The following GAB3 variants were observed in gnomAD, a reference collection of about 807,000 sequenced individuals.
The protein encoded by GAB3 is GRB2 associated binding protein 3.
Under a neutral mutation model 40.4 loss-of-function variants are expected in GAB3, and 12 were observed. The ratio of observed to expected loss-of-function variants is 0.30; its 90% CI spans 0.19 to 0.48. The LOEUF (loss-of-function observed/expected upper bound fraction) is 0.48, where lower values mean the gene tolerates loss of function less well. Among genes scored for constraint, GAB3 ranks in the 20% least tolerant of loss-of-function variants. The pLI is 0.99. For missense variants in GAB3, 381 were observed against 461.9 expected (o/e 0.82, Z 1.61); for synonymous variants, 154 against 176.7 (o/e 0.87, Z 1.02).
At chrX:154,691,540 GAA>G (rs1162505252) in intron 8 of GAB3, among the ~76,000 whole-genome samples, 2 of 111,987 alleles carry the variant, frequency 1.8e-5, no homozygotes, top group Non-Finnish European at 3.8e-5. Context: ...ATAAGTAAAT[GAA>G]AAGATATCTG....
At chrX:154,711,781 G>C (rs2070952248) in intron 4 of GAB3, among the ~76,000 whole-genome samples, 1 of 112,071 alleles carries the variant, frequency 8.9e-6, no homozygotes, top group Non-Finnish European at 1.9e-5. Context: ...GTACCAAGTG[G>C]GTCCCTGAGT....
At chrX:154,714,081 C>A (rs979697339) in intron 2 of GAB3, among the ~76,000 whole-genome samples, 13 of 109,842 alleles carry the variant, frequency 1.2e-4, no homozygotes, top group African/African-American at 4.0e-4. Context: ...AAGTCCATTT[C>A]TTTTTCTCAA....
At chrX:154,695,247 T>C in intron 8 of GAB3, among the ~76,000 whole-genome samples, 1 of 111,525 alleles carries the variant, frequency 9.0e-6, no homozygotes, top group Non-Finnish European at 1.9e-5. Flanking sequence ...TGCTAAAAGT[T>C]CCTCTCCATC....
At chrX:154,711,509 T>C (rs2148453351) in intron 4 of GAB3, among the ~76,000 whole-genome samples, 1 of 111,224 alleles carries the variant, frequency 9.0e-6, no homozygotes, top group Admixed American at 9.5e-5. Context: ...TGGAGGAAGA[T>C]GGAACTGCAA....
At chrX:154,723,919 C>T (rs2049756639) in intron 1 of GAB3, among the ~76,000 whole-genome samples, 1 of 111,916 alleles carries the variant, frequency 8.9e-6, no homozygotes, top group Admixed American at 9.4e-5. Flanking sequence ...TTGAGTAACT[C>T]AACTTCTGCA....
Position 154,701,267 on chromosome X carries a change from T to A in GAB3, c.1070-1208A>T, listed in dbSNP as rs782653119. Among the ~76,000 whole-genome samples, 14 of 112,512 alleles carry A rather than the reference T, an allele frequency of 1.2e-4. No homozygotes were observed. The South Asian group carries it at 4.7e-3, about 38-fold the overall frequency. On this transcript the variant is annotated intron_variant, in intron 4 of 9. Coordinates refer to ENST00000424127, the MANE Select transcript of GAB3 (RefSeq NM_001081573.3). Reference sequence around the variant, plus strand: ...ACTTAATAATTCTTAGAAACTATTATGGAATAATTTCTCATTGTGGGACTT... The same window carrying A: ...ACTTAATAATTCTTAGAAACTATTAAGGAATAATTTCTCATTGTGGGACTT...
intron 1 of GAB3, among the ~76,000 whole-genome samples, chrX:154,750,167 G>A: frequency 8.9e-6 from 1 of 112,696 alleles, no homozygotes; most frequent in Non-Finnish European, 1.9e-5. Flanking sequence ...GGACTGAAGT[G>A]GTTCTTCCTA....
At chrX:154,723,198 CA>C (rs1454873083) in intron 1 of GAB3, among the ~76,000 whole-genome samples, 1 of 111,326 alleles carries the variant, frequency 9.0e-6, no homozygotes, top group Non-Finnish European at 1.9e-5. Context: ...TCTTTTATGA[CA>C]AAAAAAATCT....
chrX:154,698,851 C>T (rs184617622), intron 6 of GAB3, among the ~76,000 whole-genome samples: 114 of 112,054 alleles, frequency 1.0e-3, no homozygotes, highest in African/African-American at 3.6e-3. Flanking sequence ...TGATAAACTG[C>T]ATGTGACTGG....
At chrX:154,734,965 TAAAC>T (rs1337882244) in intron 1 of GAB3, among the ~76,000 whole-genome samples, 1 of 112,027 alleles carries the variant, frequency 8.9e-6, no homozygotes, top group Admixed American at 9.4e-5. Context: ...GTGTATGTAA[TAAAC>T]AAAGCACAAA....
At chrX:154,704,740 C>T (rs1451927422) in intron 4 of GAB3, among the ~76,000 whole-genome samples, 1 of 111,030 alleles carries the variant, frequency 9.0e-6, no homozygotes, top group Non-Finnish European at 1.9e-5. Context: ...AAAATTAGAA[C>T]TGAAAAAGGA....
chrX:154,749,199 G>T (rs990997399), intron 1 of GAB3, among the ~76,000 whole-genome samples: 2 of 111,870 alleles, frequency 1.8e-5, no homozygotes, highest in Non-Finnish European at 3.8e-5. Flanking sequence ...AATGAACCGC[G>T]TGTGATAATA....
chrX:154,721,997 A>G (rs1284309048), intron 1 of GAB3, among the ~76,000 whole-genome samples: 2 of 112,221 alleles, frequency 1.8e-5, no homozygotes, highest in African/African-American at 3.2e-5. Context: ...TGCAGCATTA[A>G]TTTACAATGG....
chrX:154,718,895 T>G (rs965813254), intron 1 of GAB3, among the ~76,000 whole-genome samples: 3 of 112,232 alleles, frequency 2.7e-5, no homozygotes, highest in Non-Finnish European at 5.6e-5. Context: ...GCTCTTAGTG[T>G]TATGGAGACA....
intron 4 of GAB3, among the ~76,000 whole-genome samples, chrX:154,709,027 A>G (rs1401371851): frequency 9.0e-6 from 1 of 111,025 alleles, no homozygotes; most frequent in Non-Finnish European, 1.9e-5. Flanking sequence ...GCCTGGTGGG[A>G]GGTGATTGGA....
At chrX:154,685,268 T>C (rs1343407581) in intron 8 of GAB3, among the ~76,000 whole-genome samples, 1 of 111,578 alleles carries the variant, frequency 9.0e-6, no homozygotes, top group Non-Finnish European at 1.9e-5. Context: ...CCTACTTCCA[T>C]ATTTGATTCT....
At chrX:154,711,717 G>C (rs782321820) in intron 4 of GAB3, among the ~76,000 whole-genome samples, 1 of 112,136 alleles carries the variant, frequency 8.9e-6, no homozygotes, top group African/African-American at 3.2e-5. Flanking sequence ...ATGTATGTGA[G>C]AGAGAGGCAA....
intron 1 of GAB3, among the ~76,000 whole-genome samples, chrX:154,742,985 C>CTATAT (rs2071465905): frequency 1.1e-5 from 1 of 92,333 alleles, no homozygotes; most frequent in Non-Finnish European, 2.2e-5. Context: ...AGTGTGTGTA[C>CTATAT]ATATATATAT....
intron 2 of GAB3, among the ~76,000 whole-genome samples, chrX:154,714,026 A>G (rs182933346): frequency 6.5e-4 from 70 of 108,182 alleles, no homozygotes; most frequent in Non-Finnish European, 1.9e-4. Flanking sequence ...CATCACTGTT[A>G]TAAGTAAAGG....
Sources: gnomAD v4.1 joint callset for allele counts (sites outside exome capture counted in the v4.1 genomes callset) on GRCh38, gnomAD v4.1.1 for gene constraint, MANE v1.5 for transcripts, NCBI Gene and HGNC (gene_info 2026-07-23, HGNC 2026-07-21) for gene names.